Variants in GRID1 observed in about 807,000 individuals in gnomAD.
GRID1 encodes glutamate ionotropic receptor delta type subunit 1, also known as glutamate receptor ionotropic, delta-1.
In GRID1, 28 loss-of-function variants were observed where a neutral mutation model predicts 98.0. The ratio of observed to expected loss-of-function variants is 0.29; its 90% CI spans 0.21 to 0.39. The LOEUF is 0.39. Among genes scored for constraint, GRID1 ranks in the 10% least tolerant of loss-of-function variants. GRID1 has a pLI of 1.00. For synonymous variants in GRID1, 553 were observed against 538.5 expected (o/e 1.03, Z -0.37); for missense variants, 1,111 against 1,340.5 (o/e 0.83, Z 2.67).
At chr10:86,053,449 C>G (rs1415633937) in intron 4 of GRID1, among the ~76,000 whole-genome samples, 1 of 151,994 alleles carries the variant, frequency 6.6e-6, no homozygotes, top group East Asian at 1.9e-4. Flanking sequence ...CCTCCGCCTC[C>G]CTGGTTCAAG....
chr10:86,357,530 G>C (rs1198078174), intron 2 of GRID1, among the ~76,000 whole-genome samples: 1 of 152,268 alleles, frequency 6.6e-6, no homozygotes, highest in African/African-American at 2.4e-5. Flanking sequence ...TGGTGCTGGA[G>C]TGTAGTCTAT....
intron 2 of GRID1, chr10:86,264,566 G>T (rs1847072641): frequency 2.3e-6 from 1 of 442,532 alleles, no homozygotes; most frequent in Admixed American, 2.4e-5. Context: ...CACCTGGAGA[G>T]CAAGGTTTCC....
At chr10:85,809,604 C>T (rs1028663207) in intron 8 of GRID1, among the ~76,000 whole-genome samples, 1 of 152,194 alleles carries the variant, frequency 6.6e-6, no homozygotes, top group African/African-American at 2.4e-5. Flanking sequence ...GAAAGACCTG[C>T]CACACATTTC....
chr10:85,669,905 T>G (rs1411098776), intron 12 of GRID1, among the ~76,000 whole-genome samples: 3 of 152,238 alleles, frequency 2.0e-5, no homozygotes, highest in Non-Finnish European at 4.4e-5. Context: ...GGCTTGATTC[T>G]GCTTTTCATG....
At chr10:85,868,987 GA>G (rs775386127) in intron 6 of GRID1, 22 bp downstream of exon 6, 15 of 1,607,620 alleles carry the variant, frequency 9.3e-6, no homozygotes, top group Non-Finnish European at 1.2e-5. Flanking sequence ...GAGGGGACTG[GA>G]GAGAAGAGGC....
At chr10:86,144,525 A>G (rs895094874) in intron 3 of GRID1, among the ~76,000 whole-genome samples, 2 of 152,136 alleles carry the variant, frequency 1.3e-5, no homozygotes, top group African/African-American at 2.4e-5. Flanking sequence ...CTTGCCCGGT[A>G]CATCCCGGCC....
chr10:86,294,082 T>C (rs778333546), intron 2 of GRID1, among the ~76,000 whole-genome samples: 1 of 152,090 alleles, frequency 6.6e-6, no homozygotes, highest in Non-Finnish European at 1.5e-5. Context: ...GAGAGCCTAG[T>C]GTAGAAGCTG....
rs1294484104 is a variant in GRID1 at position 86,023,245 on chromosome 10, C to T, written c.727-107006G>A. The stretch of plus-strand genomic sequence containing the variant: ...CTAGTCCGAAGGTGAAATGTATGTC[C>T]CAAGAAAGACTGAGAAAACTAATCA... On this transcript the variant is annotated intron_variant, in intron 4 of 15. Transcript: ENST00000327946. Among the ~76,000 whole-genome samples, 6 of 152,140 alleles carry T rather than the reference C, an allele frequency of 3.9e-5. No individual in the cohort carries two copies. In the East Asian group the frequency reaches 1.2e-3, roughly 29 times the overall value.
chr10:85,765,118 T>G (rs966603074), intron 8 of GRID1, among the ~76,000 whole-genome samples: 3 of 152,130 alleles, frequency 2.0e-5, no homozygotes, highest in Non-Finnish European at 4.4e-5. Context: ...TTGTATTATG[T>G]TGTATTATCT....
At chr10:86,067,462 C>A (rs561844826) in intron 4 of GRID1, among the ~76,000 whole-genome samples, 2 of 152,360 alleles carry the variant, frequency 1.3e-5, no homozygotes, top group South Asian at 4.1e-4. Context: ...GCCAGAGAAT[C>A]TACAAACTGG....
At chr10:86,189,455 C>G (rs549290199) in intron 3 of GRID1, among the ~76,000 whole-genome samples, 46 of 152,102 alleles carry the variant, frequency 3.0e-4, no homozygotes, top group Non-Finnish European at 5.1e-4. Context: ...CCTCATTACT[C>G]CCCTGCCTGT....
chr10:85,717,016 G>C (rs942209709), intron 12 of GRID1, among the ~76,000 whole-genome samples: 7 of 152,258 alleles, frequency 4.6e-5, no homozygotes, highest in Non-Finnish European at 1.0e-4. Flanking sequence ...AGTTAGGTAT[G>C]ATGAATAAGA....
chr10:86,260,885 T>G (rs1034027303), intron 2 of GRID1, among the ~76,000 whole-genome samples: 1 of 152,178 alleles, frequency 6.6e-6, no homozygotes, highest in African/African-American at 2.4e-5. Context: ...GGAGGAAATG[T>G]TTTGTATTTT....
intron 3 of GRID1, among the ~76,000 whole-genome samples, chr10:86,160,082 A>C (rs946414125): frequency 6.6e-6 from 1 of 152,112 alleles, no homozygotes; most frequent in African/African-American, 2.4e-5. Flanking sequence ...CGTGTGAGCC[A>C]AAGCACAACT....
chr10:85,952,487 C>T (rs1309811479), intron 4 of GRID1, among the ~76,000 whole-genome samples: 2 of 152,178 alleles, frequency 1.3e-5, no homozygotes, highest in Admixed American at 6.5e-5. Context: ...GAAACAGGCA[C>T]TTTGATATCA....
intron 4 of GRID1, among the ~76,000 whole-genome samples, chr10:86,016,301 C>T (rs1297112488): frequency 6.6e-6 from 1 of 151,770 alleles, no homozygotes; most frequent in African/African-American, 2.4e-5. Context: ...TGCCCACCAC[C>T]ACGCCTGGCT....
At chr10:85,608,738 G>C (rs1049876657) in intron 15 of GRID1, among the ~76,000 whole-genome samples, 12 of 152,136 alleles carry the variant, frequency 7.9e-5, no homozygotes, top group African/African-American at 2.9e-4. Flanking sequence ...ACCCAGCAAG[G>C]GGGGCTGCTA....
At chr10:86,114,931 C>G (rs1466101119) in intron 4 of GRID1, among the ~76,000 whole-genome samples, 1 of 152,338 alleles carries the variant, frequency 6.6e-6, no homozygotes, top group East Asian at 1.9e-4. Context: ...GATGTAGTGA[C>G]AGCAGGTAAG....
chr10:86,306,317 G>A (rs1261769814), intron 2 of GRID1, among the ~76,000 whole-genome samples: 1 of 152,220 alleles, frequency 6.6e-6, no homozygotes, highest in African/African-American at 2.4e-5. Context: ...CATGGGCTCT[G>A]GTGGCTTATA....
Sources: allele counts gnomAD v4.1 joint callset (sites outside exome capture counted in the v4.1 genomes callset), GRCh38; gene constraint gnomAD v4.1.1; transcripts MANE v1.5; gene names NCBI Gene and HGNC (gene_info 2026-07-23, HGNC 2026-07-21).